PDE4B: variants seen among roughly 807,000 people sequenced by gnomAD.
The protein encoded by PDE4B is 3',5'-cyclic-AMP phosphodiesterase 4B.
Under a neutral mutation model 82.2 loss-of-function variants are expected in PDE4B, and 20 were observed. That is an observed-to-expected ratio of 0.24 (90% confidence interval 0.17 to 0.35). The LOEUF (loss-of-function observed/expected upper bound fraction) is 0.35, where lower values mean the gene tolerates loss of function less well. PDE4B is among the 10% of genes least tolerant of loss of function. The pLI is 1.00. For missense variants in PDE4B, 655 were observed against 907.2 expected, an observed-to-expected ratio of 0.72 and a Z score of 3.57; for synonymous variants, 320 against 318.9, an observed-to-expected ratio of 1.00 and a Z score of -0.04.
Position 66,139,540 on chromosome 1 carries a change from C to T in PDE4B, c.282-107920C>T, listed in dbSNP as rs188951587. Reference sequence around the variant, plus strand: ...TGGGCCCATCAGGATATTCCAATATCGTCTTCCTATCATAAGGTCTGTAAC... The same window carrying T: ...TGGGCCCATCAGGATATTCCAATATTGTCTTCCTATCATAAGGTCTGTAAC... On this transcript the variant is annotated intron_variant, in intron 3 of 16. Transcript: ENST00000341517. Among the ~76,000 whole-genome samples the T allele has an allele frequency of 1.5e-4, 23 of 152,180 alleles. No individual in the cohort carries two copies. The East Asian group carries it at 4.4e-3, about 29-fold the overall frequency.
At chr1:65,819,601 A>T (rs1347786742) in intron 1 of PDE4B, among the ~76,000 whole-genome samples, 1 of 150,128 alleles carries the variant, frequency 6.7e-6, no homozygotes, top group East Asian at 2.0e-4. Flanking sequence ...TCCCGGGTTC[A>T]CGCTATTCTC....
chr1:65,928,189 G>C (rs148956671), intron 3 of PDE4B, among the ~76,000 whole-genome samples: 2 of 150,772 alleles, frequency 1.3e-5, no homozygotes, highest in African/African-American at 4.9e-5. Flanking sequence ...TTCCTCAAGG[G>C]TACCTGGCCT....
intron 3 of PDE4B, among the ~76,000 whole-genome samples, chr1:65,960,927 T>A (rs1160676019): frequency 6.6e-6 from 1 of 152,160 alleles, no homozygotes; most frequent in Non-Finnish European, 1.5e-5. Context: ...TTTGCATGTA[T>A]CAACTTAGCT....
chr1:66,161,040 G>A lies in PDE4B; in HGVS notation c.282-86420G>A, dbSNP rs146030558. On this transcript the variant is annotated intron_variant, in intron 3 of 16. Transcript: ENST00000341517. ...AATACCCAGAAACAACCAGTCTTCT[G>A]GAAGATGAAAGGCATTTTTTTTTTC... 5.1e-3 allele frequency among the ~76,000 whole-genome samples: 580 copies of A among 112,724 alleles called. 3 individuals are homozygous for A. Among genetic ancestry groups the A allele is most frequent in the Middle Eastern group, 0.012 (3 of 248 alleles). 74.0% of individuals were successfully genotyped at this position (112,724 alleles called of 152,430 possible).
chr1:66,008,491 C>CG (rs1652283647), intron 3 of PDE4B, among the ~76,000 whole-genome samples: 1 of 152,062 alleles, frequency 6.6e-6, no homozygotes. Context: ...CACTTGTCCC[C>CG]GCTGTCTCCT....
At chr1:66,181,072 A>C (rs1647054270) in intron 3 of PDE4B, among the ~76,000 whole-genome samples, 1 of 152,218 alleles carries the variant, frequency 6.6e-6, no homozygotes, top group Non-Finnish European at 1.5e-5. Context: ...CTCAATGCCC[A>C]TATCAATACC....
chr1:66,294,636 T>A (rs970899473), intron 7 of PDE4B, among the ~76,000 whole-genome samples: 1 of 152,182 alleles, frequency 6.6e-6, no homozygotes, highest in African/African-American at 2.4e-5. Context: ...AATCTTAAGT[T>A]TTTTTCTTGT....
intron 1 of PDE4B, among the ~76,000 whole-genome samples, chr1:65,834,725 T>C (rs1570991993): frequency 6.6e-6 from 1 of 152,158 alleles, no homozygotes; most frequent in African/African-American, 2.4e-5. Context: ...TGAGGCAGAA[T>C]CCAGATGATA....
intron 9 of PDE4B, among the ~76,000 whole-genome samples, chr1:66,357,962 A>G (rs1420213068): frequency 1.3e-5 from 2 of 152,226 alleles, no homozygotes; most frequent in Admixed American, 1.3e-4. Flanking sequence ...TCAAAAAACA[A>G]ATAAACGAAG....
intron 3 of PDE4B, among the ~76,000 whole-genome samples, chr1:66,055,801 A>G (rs1557528656): frequency 6.6e-6 from 1 of 152,228 alleles, no homozygotes; most frequent in East Asian, 1.9e-4. Context: ...TAAATATAGC[A>G]CACTCTGAAA....
chr1:65,957,124 C>T (rs554563184), intron 3 of PDE4B, among the ~76,000 whole-genome samples: 3 of 151,304 alleles, frequency 2.0e-5, no homozygotes, highest in Non-Finnish European at 4.4e-5. Flanking sequence ...TATGTAAATA[C>T]TAATATTTTG....
intron 3 of PDE4B, among the ~76,000 whole-genome samples, chr1:66,074,568 A>G (rs988991726): frequency 2.0e-5 from 3 of 152,140 alleles, no homozygotes; most frequent in Non-Finnish European, 4.4e-5. Flanking sequence ...CATCACAACC[A>G]TCTAGTTTCA....
chr1:65,813,827 A>C (rs890281321), intron 1 of PDE4B, among the ~76,000 whole-genome samples: 1 of 151,894 alleles, frequency 6.6e-6, no homozygotes, highest in African/African-American at 2.4e-5. Flanking sequence ...GGGGTTAGAA[A>C]TACTGAATTT....
intron 8 of PDE4B, chr1:66,354,465 A>T: frequency 6.0e-6 from 6 of 999,772 alleles, no homozygotes; most frequent in Non-Finnish European, 7.1e-6. Context: ...TCTTCCTTGC[A>T]GAGTTCAGCT....
intron 3 of PDE4B, among the ~76,000 whole-genome samples, chr1:66,173,380 C>T (rs535083654): frequency 6.6e-6 from 1 of 152,296 alleles, no homozygotes; most frequent in Non-Finnish European, 1.5e-5. Context: ...TGGGGCCAAC[C>T]TGGAGTCAGA....
intron 16 of PDE4B, among the ~76,000 whole-genome samples, chr1:66,371,120 A>AT (rs1249662026): frequency 7.6e-6 from 1 of 131,260 alleles, no homozygotes; most frequent in Non-Finnish European, 1.6e-5. Flanking sequence ...ATATATATAT[A>AT]TATATATATA....
chr1:66,218,701 T>G (rs139169553), intron 3 of PDE4B, among the ~76,000 whole-genome samples: 438 of 152,282 alleles, frequency 2.9e-3, no homozygotes, highest in Non-Finnish European at 5.0e-3. Context: ...AGAAATCTGC[T>G]GTTAGATCCT....
chr1:66,076,001 C>T (rs1327953556), intron 3 of PDE4B, among the ~76,000 whole-genome samples: 1 of 151,938 alleles, frequency 6.6e-6, no homozygotes, highest in Non-Finnish European at 1.5e-5. Flanking sequence ...TGATTTACTA[C>T]TGCTTTCTTT....
chr1:65,833,422 A>G (rs1646104529), intron 1 of PDE4B, among the ~76,000 whole-genome samples: 1 of 152,200 alleles, frequency 6.6e-6, no homozygotes, highest in Admixed American at 6.5e-5. Context: ...ATAACAAAAC[A>G]CAGTTGAAAA....
Sources: gnomAD v4.1 joint callset for allele counts (sites outside exome capture counted in the v4.1 genomes callset) on GRCh38, gnomAD v4.1.1 for gene constraint, MANE v1.5 for transcripts, NCBI Gene and HGNC (gene_info 2026-07-23, HGNC 2026-07-21) for gene names.